PHRF1: variants seen among roughly 807,000 people sequenced by gnomAD.
The protein encoded by PHRF1 is PHD and RING finger domain-containing protein 1.
A neutral mutation model predicts 128.9 loss-of-function variants in PHRF1; 53 were observed. That is an observed-to-expected ratio of 0.41 (90% CI 0.33 to 0.52). The LOEUF is 0.52. Ranked by LOEUF, PHRF1 falls within the 20% of genes least tolerant of loss-of-function variation. The pLI is 0.21. For missense variants in PHRF1, 2,503 were observed against 2,284.5 expected (o/e 1.10, Z -1.95); for synonymous variants, 1,178 against 980.6 (o/e 1.20, Z -3.76).
chr11:604,997 C>A, intron 10 of PHRF1, 122 bp from the exon 11 acceptor site: 1 of 1,002,046 alleles, frequency 1.0e-6, no homozygotes, highest in Non-Finnish European at 1.4e-6. Context: ...TTGACTTTGG[C>A]TTAGTATTTT....
intron 9 of PHRF1, among the ~76,000 whole-genome samples, chr11:599,367 C>T (rs1264924611): frequency 1.3e-5 from 2 of 149,718 alleles, no homozygotes; most frequent in Non-Finnish European, 3.0e-5. Flanking sequence ...TCTCCTGCCT[C>T]AGCCTCCCAA....
chr11:610,494 C>CT lies in PHRF1; in HGVS notation c.4417-6dup. The CT allele has an allele frequency of 1.9e-6, 3 of 1,601,570 alleles. No homozygotes were observed. The highest frequency in any genetic ancestry group is 2.5e-6 in the Non-Finnish European group (3 of 1,176,560). ...GGCCCAGTGCTCAGCAGGGGTGTCC[C>CT]TCCCAGGTTTACAGCCCCGGCCTGC... is the stretch of plus-strand genomic sequence containing the variant. On this transcript the variant is annotated splice_region_variant and splice_polypyrimidine_tract_variant and intron_variant, in intron 15 of 17. Transcript: ENST00000264555.
intron 4 of PHRF1, among the ~76,000 whole-genome samples, chr11:590,262 T>C (rs1303748353): frequency 1.3e-5 from 2 of 152,226 alleles, no homozygotes; most frequent in African/African-American, 2.4e-5. Flanking sequence ...TCAAAGGCCA[T>C]GTATTCCTGG....
chr11:589,523 G>C (rs1379405196), intron 4 of PHRF1, among the ~76,000 whole-genome samples: 1 of 152,236 alleles, frequency 6.6e-6, no homozygotes, highest in East Asian at 1.9e-4. Flanking sequence ...TCCAGGAATG[G>C]AAACCAGTCC....
chr11:592,212 G>GC (rs1486825060), intron 5 of PHRF1, among the ~76,000 whole-genome samples: 5 of 148,340 alleles, frequency 3.4e-5, no homozygotes, highest in African/African-American at 5.0e-5. Context: ...AACGTGCCCA[G>GC]CCTTTTTTTT....
intron 6 of PHRF1, 56 bp from the exon 7 acceptor site, chr11:596,867 G>A (rs559139196): frequency 2.0e-6 from 3 of 1,514,454 alleles, no homozygotes; most frequent in East Asian, 4.5e-5. Flanking sequence ...CACTTGAGGA[G>A]GTTTGGGAAA....
At chr11:584,224 T>C (rs562922729) in intron 3 of PHRF1, among the ~76,000 whole-genome samples, 1 of 152,250 alleles carries the variant, frequency 6.6e-6, no homozygotes, top group African/African-American at 2.4e-5. Context: ...AGGGCTCTGG[T>C]TCATCTGTAG....
Position 598,381 on chromosome 11 carries a change from A to G in PHRF1, c.903A>G (p.Pro301=), listed in dbSNP as rs774774485. The G allele has an allele frequency of 1.2e-6, 2 of 1,609,266 alleles. No individual in the cohort carries two copies. The highest frequency in any genetic ancestry group is 2.2e-5 in the East Asian group (1 of 44,870). ...ISTARRVQHT[P]GRLGSSLLDE... ...CACCCCTTTGCCTGTAGCACACACCAGGGCGCCTCGGGTCTTCCCTGCTGG... is the reference window on the plus strand; with the variant it reads ...CACCCCTTTGCCTGTAGCACACACCGGGGCGCCTCGGGTCTTCCCTGCTGG... Residue 301 remains proline (P), a synonymous_variant, in exon 9 of 18, where the codon CCA becomes CCG. Coordinates refer to ENST00000264555, the MANE Select transcript of PHRF1 (RefSeq NM_001286581.2).
At chr11:592,043 G>T (rs986967299) in intron 5 of PHRF1, among the ~76,000 whole-genome samples, 16 of 151,900 alleles carry the variant, frequency 1.1e-4, no homozygotes, top group Non-Finnish European at 2.2e-4. Context: ...AGCCTCCCGA[G>T]TAGCTGGGAC....
chr11:584,125 G>T (rs142224276), intron 3 of PHRF1, among the ~76,000 whole-genome samples: 1 of 152,240 alleles, frequency 6.6e-6, no homozygotes, highest in Non-Finnish European at 1.5e-5. Context: ...TCCTTCCAGA[G>T]TTCGATGTTT....
chr11:585,148 G>C (rs1443053543), intron 3 of PHRF1, among the ~76,000 whole-genome samples: 2 of 152,338 alleles, frequency 1.3e-5, no homozygotes, highest in South Asian at 4.1e-4. Flanking sequence ...GGGCTTGGGA[G>C]CTTTCGTTCT....
intron 3 of PHRF1, among the ~76,000 whole-genome samples, chr11:584,468 G>A (rs1483997052): frequency 1.3e-5 from 2 of 152,208 alleles, no homozygotes; most frequent in Non-Finnish European, 2.9e-5. Context: ...TAGACACTGA[G>A]AGCTGTGGGC....
intron 1 of PHRF1, among the ~76,000 whole-genome samples, chr11:578,809 C>T (rs564498155): frequency 4.6e-5 from 7 of 152,186 alleles, no homozygotes; most frequent in Admixed American, 1.3e-4. Flanking sequence ...CCTCAGCCTC[C>T]CAAAGTGCTG....
chr11:605,419 C>T, intron 11 of PHRF1, 119 bp downstream of exon 11: 1 of 1,480,756 alleles, frequency 6.8e-7, no homozygotes, highest in South Asian at 1.3e-5. Context: ...TGAGGGTGGC[C>T]ATTCCTCCCA....
Position 601,593 on chromosome 11 carries a change from G to T in PHRF1, c.1044G>T (p.Pro348=), listed in dbSNP as rs748765446. ...KRKTRRRKKV[P]GRKKTPSGPS... is the part of the protein sequence containing the mutation. ...CCTTAGGAAGACGGAAGAAAGTGCCGGGAAGAAAGAAAACCCCGTCCGGAC... is the reference window on the plus strand; with the variant it reads ...CCTTAGGAAGACGGAAGAAAGTGCCTGGAAGAAAGAAAACCCCGTCCGGAC... The change falls in exon 10 of 18, where the codon CCG becomes CCT. Residue 348 remains proline, a synonymous_variant. Transcript: ENST00000264555. The T allele has an allele frequency of 3.1e-6, 5 of 1,613,708 alleles. No individual in the cohort carries two copies. In the South Asian group the frequency reaches 5.5e-5, roughly 18 times the overall value.
Position 601,585 on chromosome 11 carries a change from A to G in PHRF1, c.1036A>G (p.Lys346Glu). The change falls in exon 10 of 18, where the codon AAA becomes GAA. Residue 346 changes from lysine (K) to glutamate (E), a missense_variant. Transcript: ENST00000264555. ...RRKRKTRRRK[K>E]VPGRKKTPSG... is the part of the protein sequence containing the mutation. ...CCTCTTTTCCTTAGGAAGACGGAAGAAAGTGCCGGGAAGAAAGAAAACCCC... is the reference window on the plus strand; with the variant it reads ...CCTCTTTTCCTTAGGAAGACGGAAGGAAGTGCCGGGAAGAAAGAAAACCCC... 1 of 1,613,780 alleles carries G rather than the reference A, an allele frequency of 6.2e-7. No individual in the cohort carries two copies. The highest frequency in any genetic ancestry group is 8.5e-7 in the Non-Finnish European group (1 of 1,179,892).
intron 3 of PHRF1, among the ~76,000 whole-genome samples, chr11:583,712 G>A (rs1854355495): frequency 6.6e-6 from 1 of 150,782 alleles, no homozygotes; most frequent in South Asian, 2.1e-4. Flanking sequence ...CAGCCTGGGT[G>A]TTGGAGCGAG....
At chr11:587,645 T>G (rs1854650906) in intron 4 of PHRF1, among the ~76,000 whole-genome samples, 181 bp downstream of exon 4, 1 of 152,028 alleles carries the variant, frequency 6.6e-6, no homozygotes, top group Non-Finnish European at 1.5e-5. Flanking sequence ...CTTGGGGGTG[T>G]GGGTGAGCTC....
intron 8 of PHRF1, among the ~76,000 whole-genome samples, chr11:598,147 C>G (rs577122973): frequency 2.8e-4 from 43 of 152,326 alleles, no homozygotes; most frequent in African/African-American, 1.0e-3. Context: ...TCTCGTGTGC[C>G]CCTGGGATGC....
Sources: allele counts gnomAD v4.1 joint callset (sites outside exome capture counted in the v4.1 genomes callset), GRCh38; gene constraint gnomAD v4.1.1; transcripts MANE v1.5; gene names NCBI Gene and HGNC (gene_info 2026-07-23, HGNC 2026-07-21).